Variants in NKIRAS1 observed in about 807,000 individuals in gnomAD.
NKIRAS1 encodes the protein NF-kappa-B inhibitor-interacting Ras-like protein 1.
NKIRAS1 carries 16 observed loss-of-function variants against 19.8 expected under a neutral mutation model. The observed-to-expected ratio is 0.81, with a 90% CI of 0.55 to 1.23. The LOEUF is 1.23. Among genes scored for constraint, NKIRAS1 ranks in the 50% most tolerant of loss-of-function variants. The pLI is 0.00. For synonymous variants in NKIRAS1, 88 were observed against 79.0 expected, an observed-to-expected ratio of 1.11 and a Z score of -0.61; for missense variants, 184 against 220.0, an observed-to-expected ratio of 0.84 and a Z score of 1.04.
chr3:23,900,691 G>T, intron 4 of NKIRAS1, 117 bp downstream of exon 4: 1 of 742,572 alleles, frequency 1.3e-6, no homozygotes, highest in Non-Finnish European at 2.2e-6. Context: ...AATTGTAAAG[G>T]TTTTACAGAT....
chr3:23,900,637 G>A (rs1404361090), intron 4 of NKIRAS1, among the ~76,000 whole-genome samples, 171 bp downstream of exon 4: 7 of 87,594 alleles, frequency 8.0e-5, no homozygotes, highest in Admixed American at 5.7e-4. Context: ...GCGAGACTCC[G>A]TCTCAAAAAA....
upstream of NKIRAS1, chr3:23,920,116 T>TTGGTA: frequency 1.0e-6 from 1 of 985,856 alleles, no homozygotes. Context: ...AGCCTTAAGA[T>TTGGTA]TGGTAAGCTA....
intron 1 of NKIRAS1, among the ~76,000 whole-genome samples, chr3:23,942,190 G>A (rs1705512656): frequency 1.3e-5 from 2 of 152,096 alleles, no homozygotes; most frequent in South Asian, 4.2e-4. Flanking sequence ...AGTTGGCCAG[G>A]CTGGTCTTGA....
rs553402757 is a variant in NKIRAS1, at chr3:23,891,304, C to T, written c.*1791G>A. The T allele has an allele frequency of 6.6e-6, 1 of 152,234 alleles. No individual in the cohort carries two copies. Among genetic ancestry groups the T allele is most frequent in the South Asian group, 2.1e-4 (1 of 4,828 alleles). 9.4% of individuals were successfully genotyped at this position (152,234 alleles called of 1,614,324 possible). On this transcript the variant is annotated 3_prime_UTR_variant, in exon 5 of 5. Coordinates refer to ENST00000425478, the MANE Select transcript of NKIRAS1 (RefSeq NM_020345.4). ...TGTGCTAATAAACAATATTAAAAAC[C>T]ACCTAATAAACACTGCTGTGTTCAT...
At chr3:23,920,059 T>C, upstream of NKIRAS1, 17 of 986,016 alleles carry the variant, frequency 1.7e-5, no homozygotes, top group East Asian at 1.1e-4. Context: ...TTAGTGGTAA[T>C]GGTAAACACT....
chr3:23,944,074 G>A (rs1705563253), intron 1 of NKIRAS1, among the ~76,000 whole-genome samples: 1 of 152,192 alleles, frequency 6.6e-6, no homozygotes, highest in Non-Finnish European at 1.5e-5. Flanking sequence ...GTTTGCTCTA[G>A]CAATACCAAC....
chr3:23,915,562 G>A (rs1425974306), intron 1 of NKIRAS1, among the ~76,000 whole-genome samples: 2 of 152,114 alleles, frequency 1.3e-5, no homozygotes, highest in African/African-American at 2.4e-5. Flanking sequence ...GGAGCAATCC[G>A]AGTTATCTTT....
At chr3:23,893,782 G>A (rs1049572479) in intron 4 of NKIRAS1, among the ~76,000 whole-genome samples, 1 of 124,396 alleles carries the variant, frequency 8.0e-6, no homozygotes, top group Non-Finnish European at 1.6e-5. Flanking sequence ...CTGGGTGACT[G>A]TGCAAGACTC....
intron 1 of NKIRAS1, chr3:23,916,319 A>G (rs983668632): frequency 2.0e-5 from 3 of 152,102 alleles, no homozygotes; most frequent in Non-Finnish European, 2.9e-5. Flanking sequence ...TTAAAAAAAA[A>G]CCCGCAACGC....
chr3:23,892,997 G>A lies in NKIRAS1; in HGVS notation c.*98C>T, dbSNP rs371756720. 2 of 1,283,824 alleles carry A rather than the reference G, an allele frequency of 1.6e-6. No homozygotes were observed. The highest frequency in any genetic ancestry group is 1.5e-5 in the African/African-American group (1 of 66,282). The allele number at this position is 1,283,824 out of a possible 1,614,324, so 79.5% of individuals were successfully genotyped here. ...GGAATTTTCCTAAGGACCAAAGGTA[G>A]ATACAAATGGCCTATTTTAAATAGT... On this transcript the variant is annotated 3_prime_UTR_variant, in exon 5 of 5. Transcript: ENST00000425478.
upstream of NKIRAS1, chr3:23,918,141 T>C: frequency 7.3e-7 from 1 of 1,377,078 alleles, no homozygotes; most frequent in South Asian, 1.4e-5. Flanking sequence ...CATAGGGCTT[T>C]GGCAGAAAAA....
chr3:23,920,978 C>T (rs940101524), upstream of NKIRAS1: 1 of 158,430 alleles, frequency 6.3e-6, no homozygotes, highest in African/African-American at 2.4e-5. Flanking sequence ...ATAAAATGTA[C>T]TTATTCTCTC....
intron 4 of NKIRAS1, among the ~76,000 whole-genome samples, chr3:23,897,909 C>T (rs553473157): frequency 1.6e-4 from 25 of 152,304 alleles, no homozygotes; most frequent in African/African-American, 5.8e-4. Flanking sequence ...CAATGCCTGG[C>T]ACATAGTAGT....
At chr3:23,918,396 C>G, upstream of NKIRAS1, 1 of 1,598,068 alleles carries the variant, frequency 6.3e-7, no homozygotes, top group Non-Finnish European at 8.5e-7. Flanking sequence ...TTAAGCCTTA[C>G]GGCTTCCTAT....
chr3:23,906,654 T>A (rs1020441250), intron 3 of NKIRAS1, among the ~76,000 whole-genome samples: 1 of 151,580 alleles, frequency 6.6e-6, no homozygotes, highest in Non-Finnish European at 1.5e-5. Flanking sequence ...TGATTTTTTT[T>A]TTTTTTTTGA....
chr3:23,944,532 G>T (rs895081519), intron 1 of NKIRAS1, among the ~76,000 whole-genome samples: 16 of 151,924 alleles, frequency 1.1e-4, no homozygotes, highest in Non-Finnish European at 7.4e-5. Context: ...TTTTTCTTTT[G>T]ATCTAAAATT....
At chr3:23,903,541 CAAACA>C (rs1702725568) in intron 3 of NKIRAS1, among the ~76,000 whole-genome samples, 8 of 151,884 alleles carry the variant, frequency 5.3e-5, no homozygotes, top group African/African-American at 1.9e-4. Flanking sequence ...CAAAAACAAA[CAAACA>C]AAAAACTACC....
intron 1 of NKIRAS1, among the ~76,000 whole-genome samples, chr3:23,942,650 C>G (rs1282537716): frequency 6.6e-6 from 1 of 152,050 alleles, no homozygotes; most frequent in Non-Finnish European, 1.5e-5. Context: ...AGTCTGGTGT[C>G]AAACTCCTGA....
At chr3:23,937,989 G>A (rs189843071) in intron 1 of NKIRAS1, among the ~76,000 whole-genome samples, 30 of 151,972 alleles carry the variant, frequency 2.0e-4, no homozygotes, top group African/African-American at 7.2e-4. Context: ...CAAGAAACTG[G>A]GTCTATATCT....
Sources: allele counts gnomAD v4.1 joint callset (sites outside exome capture counted in the v4.1 genomes callset), GRCh38; gene constraint gnomAD v4.1.1; transcripts MANE v1.5; gene names NCBI Gene and HGNC (gene_info 2026-07-23, HGNC 2026-07-21).